Variants in ATAD1 observed in about 807,000 individuals in gnomAD.
ATAD1 encodes the protein ATPase family AAA domain containing 1.
In ATAD1, 18 loss-of-function variants were observed where a neutral mutation model predicts 42.7. The observed-to-expected ratio is 0.42, with a 90% CI of 0.29 to 0.63. The LOEUF (loss-of-function observed/expected upper bound fraction) is 0.63. ATAD1 is among the 20% of genes least tolerant of loss of function. The pLI is 0.19. For missense variants in ATAD1, 294 were observed against 440.4 expected (o/e 0.67, Z 2.98); for synonymous variants, 132 against 143.1 (o/e 0.92, Z 0.55).
At chr10:87,761,687 T>G (rs1036442548) in intron 8 of ATAD1, among the ~76,000 whole-genome samples, 5 of 152,054 alleles carry the variant, frequency 3.3e-5, no homozygotes, top group African/African-American at 1.2e-4. Context: ...ATGAAAAATA[T>G]AATCCTAAAA....
chr10:87,775,781 A>C (rs1042891255), intron 6 of ATAD1, among the ~76,000 whole-genome samples: 2 of 152,170 alleles, frequency 1.3e-5, no homozygotes, highest in African/African-American at 4.8e-5. Context: ...GAAGAGGAAA[A>C]GCCTAGGATA....
upstream of ATAD1, chr10:87,819,282 A>AAAAAC (rs1857575833): frequency 1.3e-5 from 2 of 150,450 alleles, no homozygotes; most frequent in African/African-American, 4.9e-5. Flanking sequence ...AAAAAAAAAA[A>AAAAAC]AAAAAAAAAC....
chr10:87,823,757 C>T (rs1857674280), intron 1 of ATAD1, among the ~76,000 whole-genome samples: 1 of 152,144 alleles, frequency 6.6e-6, no homozygotes, highest in South Asian at 2.1e-4. Flanking sequence ...GCAATTTTTG[C>T]TGTAAGTAGG....
In ATAD1 at chr10:87,771,048, G is replaced by A; in HGVS notation, c.691-7C>T. 6.2e-7 allele frequency: 1 copy of A among 1,604,362 alleles called. No individual in the cohort carries two copies. The highest frequency in any genetic ancestry group is 2.2e-5 in the East Asian group (1 of 44,708). ...TAGCTCCCATTACTATGACCTAAGT[G>A]TATAAAGAAGACAGAAGGTATTAAA... On this transcript the variant is annotated splice_region_variant and splice_polypyrimidine_tract_variant and intron_variant, in intron 6 of 9. Coordinates refer to ENST00000680024, the MANE Select transcript of ATAD1 (RefSeq NM_001321967.2).
intron 1 of ATAD1, among the ~76,000 whole-genome samples, chr10:87,826,947 T>C (rs1442972458): frequency 1.3e-5 from 2 of 152,214 alleles, no homozygotes; most frequent in Admixed American, 6.5e-5. Context: ...CTCTCTAGTG[T>C]TACCCCATTT....
chr10:87,796,206 G>C (rs1274505158), intron 2 of ATAD1, among the ~76,000 whole-genome samples: 1 of 152,134 alleles, frequency 6.6e-6, no homozygotes, highest in Non-Finnish European at 1.5e-5. Flanking sequence ...TATGTATTCT[G>C]AAAGTTCTTG....
chr10:87,806,406 CATT>C (rs1213489308), intron 2 of ATAD1, among the ~76,000 whole-genome samples: 6 of 151,814 alleles, frequency 4.0e-5, no homozygotes, highest in Non-Finnish European at 8.8e-5. Context: ...AGAACAAGAA[CATT>C]ATTATTATCT....
chr10:87,839,778 A>G (rs760773211), intron 1 of ATAD1, among the ~76,000 whole-genome samples: 4 of 132,808 alleles, frequency 3.0e-5, no homozygotes, highest in Admixed American at 8.6e-5. Context: ...CACAGTTTTT[A>G]TATCTGTGAA....
At chr10:87,769,588 G>C (rs1403084729) in intron 7 of ATAD1, among the ~76,000 whole-genome samples, 2 of 152,048 alleles carry the variant, frequency 1.3e-5, no homozygotes, top group African/African-American at 4.8e-5. Context: ...ATTCTTCAAG[G>C]ACCAGGCCCA....
At chr10:87,762,597 C>T (rs896248496) in intron 8 of ATAD1, among the ~76,000 whole-genome samples, 1 of 149,682 alleles carries the variant, frequency 6.7e-6, no homozygotes, top group Non-Finnish European at 1.5e-5. Flanking sequence ...CCCAAGTAGC[C>T]AGGATTACGG....
rs1195803938 is a variant in ATAD1, at chr10:87,788,884, G to A, written c.382+1426C>T. Among the ~76,000 whole-genome samples the A allele has an allele frequency of 3.9e-5, 6 of 151,966 alleles. No individual in the cohort carries two copies. In the South Asian group the frequency reaches 8.3e-4, roughly 21 times the overall value. ...AATAATCATTCAAAGTTTTTTTTGC[G>A]GCAGGGGGGAAATCACAATAAACTG... On this transcript the variant is annotated intron_variant, in intron 4 of 9. Transcript: ENST00000680024.
intron 5 of ATAD1, among the ~76,000 whole-genome samples, chr10:87,783,184 A>C (rs1252391221): frequency 6.6e-6 from 1 of 152,020 alleles, no homozygotes; most frequent in African/African-American, 2.4e-5. Context: ...GTTTTAGACC[A>C]TCCTGGGCAA....
intron 7 of ATAD1, among the ~76,000 whole-genome samples, chr10:87,768,493 T>C (rs1321343272): frequency 1.3e-5 from 2 of 152,194 alleles, no homozygotes; most frequent in Non-Finnish European, 2.9e-5. Flanking sequence ...TGTCATGTGA[T>C]CACCAACAAA....
At chr10:87,774,278 T>C (rs1391048553) in intron 6 of ATAD1, among the ~76,000 whole-genome samples, 1 of 152,252 alleles carries the variant, frequency 6.6e-6, no homozygotes. Flanking sequence ...GTAAAGCCTA[T>C]GTACTTAACT....
In ATAD1 at chr10:87,804,882, T is replaced by C. The variant is rs80125550; in HGVS notation, c.162+9556A>G. 5.0e-3 allele frequency among the ~76,000 whole-genome samples: 759 copies of C among 152,308 alleles called. 3 individuals are homozygous for C. Among genetic ancestry groups the C allele is most frequent in the Non-Finnish European group, 8.9e-3 (604 of 68,014 alleles). The stretch of plus-strand genomic sequence containing the variant: ...ATGTGCCCAGAAAAATCCCAGTCCC[T>C]GTACAACACCATGTTGAAACCATCT... On this transcript the variant is annotated intron_variant, in intron 2 of 9. Transcript: ENST00000680024.
chr10:87,817,100 A>G (rs1857452077), intron 1 of ATAD1, among the ~76,000 whole-genome samples: 1 of 152,272 alleles, frequency 6.6e-6, no homozygotes, highest in Non-Finnish European at 1.5e-5. Context: ...CTTGTAAAAT[A>G]GTAGTCTACC....
chr10:87,787,816 G>T (rs1244126586), intron 4 of ATAD1, among the ~76,000 whole-genome samples: 2 of 152,044 alleles, frequency 1.3e-5, no homozygotes, highest in Non-Finnish European at 2.9e-5. Flanking sequence ...TACTTGAGAA[G>T]AATATGGGTC....
chr10:87,792,215 T>C (rs927637613), intron 3 of ATAD1, among the ~76,000 whole-genome samples: 1 of 152,244 alleles, frequency 6.6e-6, no homozygotes, highest in Non-Finnish European at 1.5e-5. Flanking sequence ...AAACTGTTTG[T>C]GCAAACAATA....
chr10:87,822,724 C>CCA (rs1857653783), upstream of ATAD1, among the ~76,000 whole-genome samples: 1 of 151,784 alleles, frequency 6.6e-6, no homozygotes. Flanking sequence ...TAGTATTTGA[C>CCA]AACACAGCAA....
Sources: allele counts gnomAD v4.1 joint callset (sites outside exome capture counted in the v4.1 genomes callset), GRCh38; gene constraint gnomAD v4.1.1; transcripts MANE v1.5; gene names NCBI Gene and HGNC (gene_info 2026-07-23, HGNC 2026-07-21).